Variants in GAS6 observed in about 807,000 individuals in gnomAD.
The protein encoded by GAS6 is growth arrest-specific protein 6.
In GAS6, 41 loss-of-function variants were observed where a neutral mutation model predicts 75.8. The ratio of observed to expected loss-of-function variants is 0.54; its 90% CI spans 0.42 to 0.70. GAS6 has a LOEUF of 0.70. Ranked by LOEUF, GAS6 falls within the 30% of genes least tolerant of loss-of-function variation. GAS6 has a pLI of 0.00. For missense variants in GAS6, 854 were observed against 940.2 expected, an observed-to-expected ratio of 0.91 and a Z score of 1.20; for synonymous variants, 432 against 412.6, an observed-to-expected ratio of 1.05 and a Z score of -0.57.
chr13:113,839,876 T>G (rs1395548555), intron 4 of GAS6, 26 bp from the exon 5 acceptor site: 5 of 1,612,956 alleles, frequency 3.1e-6, no homozygotes, highest in Non-Finnish European at 4.2e-6. Context: ...AAGTGGAAAA[T>G]CATGTTCAGC....
chr13:113,834,637 C>A lies in GAS6; in HGVS notation c.748G>T (p.Val250Phe), dbSNP rs1429141797. The A allele has an allele frequency of 1.9e-6, 3 of 1,606,472 alleles. No homozygotes were observed. Among genetic ancestry groups the A allele is most frequent in the East Asian group, 2.2e-5 (1 of 44,520 alleles). ...DECLQGRCEQ[V>F]CVNSPGSYTC... The stretch of plus-strand genomic sequence containing the variant: ...TAGCTCCCTGGGGAGTTCACGCAGA[C>A]CTGCTCACAGCGGCCCTGCAGACAC... Residue 250 changes from valine (V) to phenylalanine (F), a missense_variant, in exon 8 of 15, where the codon GTC becomes TTC. By Grantham distance (50) the Val-to-Phe change is conservative. Coordinates refer to ENST00000327773, the MANE Select transcript of GAS6 (RefSeq NM_000820.4).
At position 113,840,050 on chromosome 13, in the gene GAS6, C is replaced by T. The variant is rs117486293; in HGVS notation, c.344-200G>A. 257 of 666,626 alleles carry T rather than the reference C, an allele frequency of 3.9e-4. 1 individual carries two copies. In the East Asian group the frequency reaches 7.6e-3, roughly 20 times the overall value. 41.3% of individuals were successfully genotyped at this position (666,626 alleles called of 1,614,324 possible). On this transcript the variant is annotated intron_variant, in intron 4 of 14. Coordinates refer to ENST00000327773, the MANE Select transcript of GAS6 (RefSeq NM_000820.4). ...AGAATAGGCTGGCGGGCCCTGGGGC[C>T]GGCTCCAGGAAAACTCAGATCAACT...
chr13:113,825,698 T>C (rs1266510508), intron 12 of GAS6, among the ~76,000 whole-genome samples: 2 of 152,258 alleles, frequency 1.3e-5, no homozygotes, highest in African/African-American at 4.8e-5. Context: ...TATGATGCTC[T>C]AGATTTGGAA....
At position 113,821,000 on chromosome 13, in the gene GAS6, G is replaced by A. The variant is rs372674142; in HGVS notation, c.1901C>T (p.Ala634Val). The change falls in exon 15 of 15, where the codon GCG becomes GTG. Residue 634 changes from alanine to valine, a missense_variant. Transcript: ENST00000327773. ...GCCGCGGTAGAACGCGGTGACTGGC[G>A]CTGAAGTCACCGGCACATCTGGGCC... ...GGLPDVPVTS[A>V]PVTAFYRGCM... The A allele has an allele frequency of 1.9e-5, 31 of 1,612,464 alleles. No homozygotes were observed. Among genetic ancestry groups the A allele is most frequent in the Admixed American group, 3.3e-5 (2 of 60,004 alleles).
At chr13:113,821,795 T>C (rs1017131840) in intron 14 of GAS6, 163 bp downstream of exon 14, 36 of 600,340 alleles carry the variant, frequency 6.0e-5, no homozygotes, top group Non-Finnish European at 8.2e-5. Context: ...GACACCATAA[T>C]AGCCACTAAC....
At chr13:113,859,473 T>C (rs1019585143) in intron 2 of GAS6, among the ~76,000 whole-genome samples, 12 of 152,232 alleles carry the variant, frequency 7.9e-5, no homozygotes, top group Admixed American at 5.9e-4. Flanking sequence ...TCTATGTGAA[T>C]GTGTGCATGT....
intron 2 of GAS6, among the ~76,000 whole-genome samples, chr13:113,849,345 G>C (rs1051698343): frequency 2.6e-5 from 4 of 152,128 alleles, no homozygotes; most frequent in African/African-American, 9.7e-5. Flanking sequence ...TTTTAGTCAT[G>C]GGTTGGCAAA....
chr13:113,822,984 G>C (rs778442165), intron 13 of GAS6: 1 of 165,836 alleles, frequency 6.0e-6, no homozygotes, highest in Non-Finnish European at 1.3e-5. Flanking sequence ...GCTGTTGGGG[G>C]ACCGGCCAAG....
At position 113,834,538 on chromosome 13, in the gene GAS6, A is replaced by G. The variant is rs759198067; in HGVS notation, c.834+13T>C. Reference sequence around the variant, plus strand: ...ACCACCGTGAAGGGCCCGCGGGGCCAGGGGCCGCCTACCTCACAGGTGTCC... The same window carrying G: ...ACCACCGTGAAGGGCCCGCGGGGCCGGGGGCCGCCTACCTCACAGGTGTCC... On this transcript the variant is annotated intron_variant, in intron 8 of 14. Coordinates refer to ENST00000327773, the MANE Select transcript of GAS6 (RefSeq NM_000820.4). The G allele has an allele frequency of 1.3e-6, 2 of 1,543,866 alleles. No individual in the cohort carries two copies. Among genetic ancestry groups the G allele is most frequent in the African/African-American group, 1.4e-5 (1 of 72,300 alleles).
intron 8 of GAS6, among the ~76,000 whole-genome samples, chr13:113,834,195 G>A (rs984042923): frequency 2.7e-4 from 38 of 142,558 alleles, no homozygotes; most frequent in Middle Eastern, 8.0e-3. Context: ...GACAGGCACC[G>A]GTGTGACAGG....
rs187607266 is a variant in GAS6 at position 113,858,306 on chromosome 13, T to C, written c.255+5269A>G. On this transcript the variant is annotated intron_variant, in intron 2 of 14. Transcript: ENST00000327773. ...TGACTGTGTGTACATGTGTGCATAT[T>C]ATGCATGTGTGTACATGTCTGTCAG... Among the ~76,000 whole-genome samples the C allele has an allele frequency of 3.4e-4, 52 of 152,370 alleles. No individual in the cohort carries two copies. In the East Asian group the frequency reaches 8.9e-3, roughly 26 times the overall value.
chr13:113,828,014 G>A (rs936802362), intron 11 of GAS6, among the ~76,000 whole-genome samples: 4 of 152,188 alleles, frequency 2.6e-5, no homozygotes, highest in South Asian at 2.1e-4. Context: ...GGTGGCTCAC[G>A]CCTGTAATCC....
chr13:113,833,217 G>A (rs2051652020), intron 8 of GAS6: 1 of 1,091,504 alleles, frequency 9.2e-7, no homozygotes, highest in Admixed American at 4.6e-5. Context: ...GGAAGATGGA[G>A]GGGCTGGGGC....
intron 8 of GAS6, chr13:113,833,612 G>A (rs2051657456): frequency 9.7e-7 from 1 of 1,025,934 alleles, no homozygotes; most frequent in East Asian, 1.1e-4. Context: ...ACAGGCACCG[G>A]TGTGACAGGT....
chr13:113,851,894 T>A (rs887895289), intron 2 of GAS6, among the ~76,000 whole-genome samples: 5 of 152,258 alleles, frequency 3.3e-5, no homozygotes, highest in Admixed American at 6.5e-5. Flanking sequence ...ACATCCTTGT[T>A]ATTAACTGAC....
At chr13:113,862,556 G>A (rs1434577844) in intron 2 of GAS6, among the ~76,000 whole-genome samples, 1 of 152,194 alleles carries the variant, frequency 6.6e-6, no homozygotes, top group Non-Finnish European at 1.5e-5. Context: ...GGGGCTGTGG[G>A]CAGCCCCCGG....
At chr13:113,834,818 T>A (rs2051681184) in intron 7 of GAS6, 146 bp from the exon 8 acceptor site, 2 of 810,992 alleles carry the variant, frequency 2.5e-6, no homozygotes, top group Non-Finnish European at 3.4e-6. Flanking sequence ...GGGGGTCGCG[T>A]CCCCCCCCAC....
intron 2 of GAS6, among the ~76,000 whole-genome samples, chr13:113,851,258 G>A (rs2051871994): frequency 6.7e-6 from 1 of 149,386 alleles, no homozygotes; most frequent in Non-Finnish European, 1.5e-5. Flanking sequence ...TGAGTGAATA[G>A]ATGGATGAGT....
intron 2 of GAS6, among the ~76,000 whole-genome samples, chr13:113,861,824 T>C (rs1457494833): frequency 6.6e-6 from 1 of 152,128 alleles, no homozygotes; most frequent in Non-Finnish European, 1.5e-5. Context: ...AGCGGGTTGT[T>C]ATCATTTGGC....
Sources: gnomAD v4.1 joint callset for allele counts (sites outside exome capture counted in the v4.1 genomes callset) on GRCh38, gnomAD v4.1.1 for gene constraint, MANE v1.5 for transcripts, NCBI Gene and HGNC (gene_info 2026-07-23, HGNC 2026-07-21) for gene names.